The following ZDHHC14 variants were observed in gnomAD, a reference collection of about 807,000 sequenced individuals.
ZDHHC14 encodes palmitoyltransferase ZDHHC14.
In ZDHHC14, 16 loss-of-function variants were observed where a neutral mutation model predicts 47.7. That is an observed-to-expected ratio of 0.34 (90% CI 0.23 to 0.51). ZDHHC14 has a LOEUF of 0.51. Among genes scored for constraint, ZDHHC14 ranks in the 20% least tolerant of loss-of-function variants. The probability of loss-of-function intolerance (pLI) is 0.97; values close to 1 mark genes in which losing one functional copy is unlikely to be tolerated. For missense variants in ZDHHC14, 515 were observed against 662.5 expected (o/e 0.78, Z 2.44); for synonymous variants, 293 against 278.9 (o/e 1.05, Z -0.50).
chr6:157,552,358 G>A (rs1262043794), intron 2 of ZDHHC14, among the ~76,000 whole-genome samples: 3 of 151,956 alleles, frequency 2.0e-5, no homozygotes, highest in Non-Finnish European at 4.4e-5. Flanking sequence ...GCGGCACATT[G>A]GGCACAATAA....
chr6:157,509,568 T>C (rs1480855153), intron 1 of ZDHHC14, among the ~76,000 whole-genome samples: 1 of 152,200 alleles, frequency 6.6e-6, no homozygotes, highest in Non-Finnish European at 1.5e-5. Flanking sequence ...TGTCTCCAGA[T>C]ACTCCCTCTC....
chr6:157,392,833 G>T (rs183852526), intron 1 of ZDHHC14, among the ~76,000 whole-genome samples: 10 of 152,238 alleles, frequency 6.6e-5, no homozygotes, highest in Admixed American at 1.3e-4. Context: ...AGGTAGACTT[G>T]CTTTCAACTG....
intron 1 of ZDHHC14, among the ~76,000 whole-genome samples, chr6:157,391,835 C>T (rs1301899102): frequency 1.3e-5 from 2 of 152,148 alleles, no homozygotes; most frequent in African/African-American, 4.8e-5. Context: ...GGAGTGATTG[C>T]TCTCACAACT....
chr6:157,403,936 C>G (rs1348702145), intron 1 of ZDHHC14, among the ~76,000 whole-genome samples: 1 of 152,224 alleles, frequency 6.6e-6, no homozygotes, highest in African/African-American at 2.4e-5. Context: ...GGTGGGCACA[C>G]AAACGGGAGG....
At chr6:157,464,866 G>A (rs576209831) in intron 1 of ZDHHC14, among the ~76,000 whole-genome samples, 23 of 152,250 alleles carry the variant, frequency 1.5e-4, no homozygotes, top group African/African-American at 2.6e-4. Context: ...TCTCTCGTAC[G>A]TAGCTGTGAC....
chr6:157,617,180 A>T (rs1461891050), intron 3 of ZDHHC14, among the ~76,000 whole-genome samples: 2 of 152,166 alleles, frequency 1.3e-5, no homozygotes, highest in African/African-American at 4.8e-5. Context: ...TCTTTTTATT[A>T]CCAGATGAGA....
At chr6:157,440,699 T>G (rs1016767259) in intron 1 of ZDHHC14, among the ~76,000 whole-genome samples, 39 of 152,330 alleles carry the variant, frequency 2.6e-4, no homozygotes, top group African/African-American at 9.1e-4. Flanking sequence ...TTGTGGGATG[T>G]TCATAAAATG....
chr6:157,523,506 CTTCT>C (rs1329167818), intron 1 of ZDHHC14, among the ~76,000 whole-genome samples: 1 of 152,144 alleles, frequency 6.6e-6, no homozygotes, highest in African/African-American at 2.4e-5. Flanking sequence ...TTGCGGATTT[CTTCT>C]TTCTTTATGC....
intron 3 of ZDHHC14, among the ~76,000 whole-genome samples, chr6:157,595,887 G>A (rs1248871415): frequency 1.3e-5 from 2 of 152,170 alleles, no homozygotes; most frequent in Non-Finnish European, 2.9e-5. Context: ...GTCTATGTAT[G>A]GGAGACCCAG....
chr6:157,613,290 A>T (rs1023299889), intron 3 of ZDHHC14, among the ~76,000 whole-genome samples: 2 of 152,366 alleles, frequency 1.3e-5, no homozygotes, highest in Non-Finnish European at 1.5e-5. Flanking sequence ...AGAGATGCAC[A>T]TAAAAGGCAT....
At chr6:157,530,983 G>C (rs1286929153) in intron 1 of ZDHHC14, among the ~76,000 whole-genome samples, 1 of 152,058 alleles carries the variant, frequency 6.6e-6, no homozygotes, top group Non-Finnish European at 1.5e-5. Flanking sequence ...CTTTGCAAAA[G>C]AAAGAAGGTG....
At chr6:157,664,029 A>C (rs149355041) in intron 8 of ZDHHC14, among the ~76,000 whole-genome samples, 1 of 151,698 alleles carries the variant, frequency 6.6e-6, no homozygotes, top group Non-Finnish European at 1.5e-5. Flanking sequence ...AAACATCTAC[A>C]GGGGTGACTG....
At chr6:157,422,495 G>A (rs988965443) in intron 1 of ZDHHC14, among the ~76,000 whole-genome samples, 4 of 152,288 alleles carry the variant, frequency 2.6e-5, no homozygotes, top group South Asian at 2.1e-4. Flanking sequence ...CTAGTGGAGC[G>A]TTACCCCGGG....
At chr6:157,602,081 A>G (rs1258457400) in intron 3 of ZDHHC14, among the ~76,000 whole-genome samples, 1 of 152,090 alleles carries the variant, frequency 6.6e-6, no homozygotes, top group Non-Finnish European at 1.5e-5. Context: ...ACACCCCTGT[A>G]ATCCCAGCTA....
At chr6:157,395,327 AT>A (rs566892431) in intron 1 of ZDHHC14, among the ~76,000 whole-genome samples, 11,525 of 133,126 alleles carry the variant, frequency 0.087, 576 homozygotes, top group African/African-American at 0.15. Context: ...CACCTAGCTA[AT>A]TTTTTTTTTT....
In ZDHHC14 at chr6:157,468,566, C is replaced by G. The variant is rs1018633198; in HGVS notation, c.246-74019C>G. The stretch of plus-strand genomic sequence containing the variant: ...TGTCTCTTGATAGCAAGAAGCTCCC[C>G]TTAACACTGTGATCCCAAAAGACAA... On this transcript the variant is annotated intron_variant, in intron 1 of 8. Coordinates refer to ENST00000359775, the MANE Select transcript of ZDHHC14 (RefSeq NM_024630.3). 2.0e-5 allele frequency among the ~76,000 whole-genome samples: 3 copies of G among 152,220 alleles called. No individual in the cohort carries two copies. The East Asian group carries it at 5.8e-4, about 29-fold the overall frequency.
At chr6:157,384,698 A>C (rs1474849837) in intron 1 of ZDHHC14, among the ~76,000 whole-genome samples, 2 of 152,234 alleles carry the variant, frequency 1.3e-5, no homozygotes, top group Non-Finnish European at 2.9e-5. Flanking sequence ...AATATTTGTC[A>C]CTGTATTGCT....
At chr6:157,453,393 T>A (rs899477010) in intron 1 of ZDHHC14, among the ~76,000 whole-genome samples, 11 of 152,254 alleles carry the variant, frequency 7.2e-5, no homozygotes, top group African/African-American at 2.7e-4. Flanking sequence ...CATGAACTGT[T>A]AACTTTTTCT....
intron 1 of ZDHHC14, among the ~76,000 whole-genome samples, chr6:157,403,959 G>A (rs1376440411): frequency 6.6e-6 from 1 of 152,196 alleles, no homozygotes; most frequent in Non-Finnish European, 1.5e-5. Context: ...TTTTCCCAGT[G>A]GGGCCTGCCT....
Sources: allele counts gnomAD v4.1 joint callset (sites outside exome capture counted in the v4.1 genomes callset), GRCh38; gene constraint gnomAD v4.1.1; transcripts MANE v1.5; gene names NCBI Gene and HGNC (gene_info 2026-07-23, HGNC 2026-07-21).